Variants in TMEM178B observed in about 807,000 individuals in gnomAD.
TMEM178B encodes transmembrane protein 178B.
Under a neutral mutation model 31.0 loss-of-function variants are expected in TMEM178B, and 5 were observed. The ratio of observed to expected loss-of-function variants is 0.16; its 90% CI spans 0.08 to 0.34. The LOEUF (loss-of-function observed/expected upper bound fraction) is 0.34, where lower values mean the gene tolerates loss of function less well. Among genes scored for constraint, TMEM178B ranks in the 10% least tolerant of loss-of-function variants. The pLI is 1.00. For synonymous variants in TMEM178B, 164 were observed against 164.0 expected (o/e 1.00, Z 0.00); for missense variants, 275 against 400.3 (o/e 0.69, Z 2.67).
chr7:141,282,258 C>G (rs1798377564), intron 2 of TMEM178B, among the ~76,000 whole-genome samples: 2 of 152,186 alleles, frequency 1.3e-5, no homozygotes, highest in Admixed American at 1.3e-4. Context: ...AAAAATACCC[C>G]TGGGTTTGCA....
chr7:141,432,456 T>C (rs1223842902), intron 2 of TMEM178B, among the ~76,000 whole-genome samples: 1 of 152,196 alleles, frequency 6.6e-6, no homozygotes, highest in African/African-American at 2.4e-5. Flanking sequence ...CGCCCAGCCC[T>C]GCATCACTAT....
the TMEM178B span, among the ~76,000 whole-genome samples, chr7:141,505,751 T>C: frequency 6.6e-6 from 1 of 152,174 alleles, no homozygotes; most frequent in African/African-American, 2.4e-5. Context: ...GATAAAGGGA[T>C]TCAGGAAAGG....
At chr7:141,175,243 G>C (rs1026954380) in intron 1 of TMEM178B, among the ~76,000 whole-genome samples, 2 of 152,000 alleles carry the variant, frequency 1.3e-5, no homozygotes, top group African/African-American at 4.8e-5. Flanking sequence ...GCTTGTTTTT[G>C]TCAGGTTTGT....
intron 2 of TMEM178B, among the ~76,000 whole-genome samples, chr7:141,410,301 C>T (rs2116633557): frequency 1.3e-5 from 2 of 152,338 alleles, no homozygotes; most frequent in East Asian, 3.9e-4. Context: ...ACAAATCCCA[C>T]CAAACAAAAC....
the TMEM178B span, among the ~76,000 whole-genome samples, chr7:141,509,055 G>A: frequency 6.6e-6 from 1 of 152,092 alleles, no homozygotes. Context: ...CTATCTTTAG[G>A]GATTTGGTGG....
At chr7:141,379,117 G>A (rs1311063057) in intron 2 of TMEM178B, among the ~76,000 whole-genome samples, 1 of 152,072 alleles carries the variant, frequency 6.6e-6, no homozygotes, top group African/African-American at 2.4e-5. Flanking sequence ...AGGCCATATA[G>A]TCCATAAGCT....
chr7:141,510,685 CAAAAAAAAAAA>C, the TMEM178B span, among the ~76,000 whole-genome samples: 8 of 24,956 alleles, frequency 3.2e-4, no homozygotes, highest in South Asian at 2.9e-3. Flanking sequence ...AACTCCGTCT[CAAAAAAAAAAA>C]AAAAAAAAAA....
chr7:141,213,420 G>T (rs372063961), intron 2 of TMEM178B, among the ~76,000 whole-genome samples: 66 of 152,292 alleles, frequency 4.3e-4, no homozygotes, highest in African/African-American at 1.5e-3. Flanking sequence ...TGGCAGGAGA[G>T]CTCTGCTTCC....
intron 2 of TMEM178B, among the ~76,000 whole-genome samples, chr7:141,328,281 T>G (rs1345539011): frequency 6.6e-6 from 1 of 152,210 alleles, no homozygotes; most frequent in Non-Finnish European, 1.5e-5. Flanking sequence ...CAGTGGTATG[T>G]TCTATCCAAT....
intron 2 of TMEM178B, among the ~76,000 whole-genome samples, chr7:141,355,529 G>A (rs1048412563): frequency 2.6e-5 from 4 of 152,208 alleles, no homozygotes; most frequent in African/African-American, 9.6e-5. Context: ...GTATGTGCTG[G>A]ATAGGAAGGA....
At chr7:141,117,782 C>A (rs1330279164) in intron 1 of TMEM178B, among the ~76,000 whole-genome samples, 1 of 152,156 alleles carries the variant, frequency 6.6e-6, no homozygotes, top group Non-Finnish European at 1.5e-5. Context: ...TTCTCCATTG[C>A]TTGTTTTTGT....
At chr7:141,116,523 T>C (rs1017232949) in intron 1 of TMEM178B, among the ~76,000 whole-genome samples, 2 of 152,206 alleles carry the variant, frequency 1.3e-5, no homozygotes, top group African/African-American at 4.8e-5. Flanking sequence ...GGAGACTTTT[T>C]TTTTTTTAAA....
At chr7:141,492,081 C>G in the TMEM178B span, among the ~76,000 whole-genome samples, 1 of 152,166 alleles carries the variant, frequency 6.6e-6, no homozygotes, top group African/African-American at 2.4e-5. Flanking sequence ...TTTCTTCTGA[C>G]CTTCCCTATT....
chr7:141,356,536 C>G (rs1344283409), intron 2 of TMEM178B, among the ~76,000 whole-genome samples: 2 of 150,786 alleles, frequency 1.3e-5, no homozygotes, highest in Non-Finnish European at 2.9e-5. Context: ...GAAATCTGTT[C>G]ATGTCTTTTG....
intron 2 of TMEM178B, among the ~76,000 whole-genome samples, chr7:141,338,052 T>C (rs1799454535): frequency 6.6e-6 from 1 of 152,200 alleles, no homozygotes; most frequent in Non-Finnish European, 1.5e-5. Context: ...TTAGCCAGGA[T>C]GGTCTCGATC....
intron 1 of TMEM178B, among the ~76,000 whole-genome samples, chr7:141,196,148 T>G (rs1018561654): frequency 6.6e-6 from 1 of 151,942 alleles, no homozygotes; most frequent in Non-Finnish European, 1.5e-5. Context: ...CACACACACA[T>G]GCACACACAC....
intron 2 of TMEM178B, among the ~76,000 whole-genome samples, chr7:141,428,967 A>T (rs1193209367): frequency 2.0e-5 from 3 of 152,188 alleles, no homozygotes; most frequent in Non-Finnish European, 4.4e-5. Context: ...ACAAAACCAC[A>T]ATGATATACC....
chr7:141,343,503 G>C (rs1364760621), intron 2 of TMEM178B, among the ~76,000 whole-genome samples: 1 of 145,242 alleles, frequency 6.9e-6, no homozygotes, highest in African/African-American at 2.5e-5. Context: ...GGCTCTTATA[G>C]CCACAGCTGT....
chr7:141,503,410 C>G, the TMEM178B span, among the ~76,000 whole-genome samples: 2 of 152,232 alleles, frequency 1.3e-5, no homozygotes, highest in African/African-American at 2.4e-5. Context: ...GCCACTAGTT[C>G]TCTCCTATAA....
Sources: gnomAD v4.1 joint callset for allele counts (sites outside exome capture counted in the v4.1 genomes callset) on GRCh38, gnomAD v4.1.1 for gene constraint, MANE v1.5 for transcripts, NCBI Gene and HGNC (gene_info 2026-07-23, HGNC 2026-07-21) for gene names.